COL4A5: variants seen among roughly 807,000 people sequenced by gnomAD.
COL4A5 encodes the protein collagen alpha-5(IV) chain.
Under a neutral mutation model 130.2 loss-of-function variants are expected in COL4A5, and 26 were observed. That is an observed-to-expected ratio of 0.20 (90% CI 0.15 to 0.28). The LOEUF is 0.28. COL4A5 is among the 10% of genes least tolerant of loss of function. The pLI is 1.00. For missense variants in COL4A5, 1,131 were observed against 1,344.3 expected, an observed-to-expected ratio of 0.84 and a Z score of 2.48; for synonymous variants, 496 against 439.6, an observed-to-expected ratio of 1.13 and a Z score of -1.60.
intron 1 of COL4A5, among the ~76,000 whole-genome samples, chrX:108,529,295 A>G (rs1346474736): frequency 9.0e-6 from 1 of 111,721 alleles, no homozygotes; most frequent in Non-Finnish European, 1.9e-5. Context: ...GACTAGACTG[A>G]CCCTACAAGA....
At chrX:108,491,762 CTTA>C (rs2064995420) in intron 1 of COL4A5, among the ~76,000 whole-genome samples, 2 of 111,294 alleles carry the variant, frequency 1.8e-5, no homozygotes, top group South Asian at 7.6e-4. Context: ...TAGAAGTAAC[CTTA>C]TTCTTAAATA....
At chrX:108,541,163 C>A in intron 2 of COL4A5, among the ~76,000 whole-genome samples, 1 of 111,970 alleles carries the variant, frequency 8.9e-6, no homozygotes, top group East Asian at 2.8e-4. Flanking sequence ...TAGACTTTCC[C>A]CTTAACAGAG....
rs1309912538 is a variant in COL4A5, at chrX:108,515,917, C to A, written c.82-23829C>A. Among the ~76,000 whole-genome samples, 60 of 111,225 alleles carry A rather than the reference C, an allele frequency of 5.4e-4. 4 individuals are homozygous for A. The highest frequency in any genetic ancestry group is 1.9e-5 in the Non-Finnish European group (1 of 52,948). On this transcript the variant is annotated intron_variant, in intron 1 of 52. Transcript: ENST00000328300. ...TGAAACAGCCAGAACTGTAGCATTCCTTGTTTTTGTGATCCTACTAAACTA... is the reference window on the plus strand; with the variant it reads ...TGAAACAGCCAGAACTGTAGCATTCATTGTTTTTGTGATCCTACTAAACTA...
intron 44 of COL4A5, among the ~76,000 whole-genome samples, chrX:108,677,886 C>G (rs1353999781): frequency 9.0e-6 from 1 of 111,714 alleles, no homozygotes; most frequent in Non-Finnish European, 1.9e-5. Context: ...ATTTGAGTAG[C>G]CTTCATTTCA....
At chrX:108,480,079 A>T (rs1200510904) in intron 1 of COL4A5, among the ~76,000 whole-genome samples, 3 of 111,571 alleles carry the variant, frequency 2.7e-5, no homozygotes, top group Non-Finnish European at 5.6e-5. Context: ...GGCAGCCTGG[A>T]CCTGTTGCAG....
chrX:108,670,662 C>T (rs1469890718), intron 42 of COL4A5: 4 of 328,690 alleles, frequency 1.2e-5, no homozygotes, highest in Non-Finnish European at 2.3e-5. Context: ...TAATTCTTAA[C>T]TTGCCATATC....
intron 1 of COL4A5, among the ~76,000 whole-genome samples, chrX:108,444,436 G>C (rs1247133061): frequency 9.0e-6 from 1 of 111,168 alleles, no homozygotes; most frequent in Non-Finnish European, 1.9e-5. Context: ...AGCCAGGATG[G>C]TCTCGAACTC....
At chrX:108,677,279 A>G (rs1295030363) in intron 43 of COL4A5, among the ~76,000 whole-genome samples, 1 of 112,440 alleles carries the variant, frequency 8.9e-6, no homozygotes, top group Non-Finnish European at 1.9e-5. Context: ...TTAATATATA[A>G]TAAAATGTAA....
At chrX:108,530,557 A>G (rs2065371789) in intron 1 of COL4A5, among the ~76,000 whole-genome samples, 1 of 102,586 alleles carries the variant, frequency 9.7e-6, no homozygotes, top group South Asian at 4.8e-4. Context: ...ACATGAACAG[A>G]CACTTCTCAA....
At chrX:108,472,847 A>T (rs2064787788) in intron 1 of COL4A5, among the ~76,000 whole-genome samples, 1 of 111,812 alleles carries the variant, frequency 8.9e-6, no homozygotes, top group Non-Finnish European at 1.9e-5. Context: ...GAACCGCCAT[A>T]CTGTTTTCCA....
At chrX:108,515,164 T>C (rs908175090) in intron 1 of COL4A5, among the ~76,000 whole-genome samples, 2 of 111,965 alleles carry the variant, frequency 1.8e-5, no homozygotes, top group East Asian at 5.6e-4. Context: ...TGTTAACTAA[T>C]AGATGCTCAA....
chrX:108,496,669 C>T (rs1354679168), intron 1 of COL4A5, among the ~76,000 whole-genome samples: 2 of 110,758 alleles, frequency 1.8e-5, no homozygotes, highest in Non-Finnish European at 3.8e-5. Context: ...CGTTTTTTTC[C>T]TTTTATTTCT....
intron 39 of COL4A5, 107 bp from the exon 40 acceptor site, chrX:108,667,026 A>T: frequency 3.1e-6 from 2 of 653,474 alleles, no homozygotes; most frequent in Admixed American, 2.4e-5. Flanking sequence ...TATAATATAC[A>T]TTGCTGCACC....
chrX:108,686,205 C>A, intron 48 of COL4A5, 76 bp downstream of exon 48: 1 of 776,898 alleles, frequency 1.3e-6, no homozygotes, highest in Non-Finnish European at 1.9e-6. Flanking sequence ...AGGGCCTCCA[C>A]TTAGAGCTGT....
intron 1 of COL4A5, among the ~76,000 whole-genome samples, chrX:108,509,104 A>G (rs1448901367): frequency 8.9e-6 from 1 of 112,475 alleles, no homozygotes. Flanking sequence ...AAAGAGCAAA[A>G]GAAACTATCA....
intron 2 of COL4A5, among the ~76,000 whole-genome samples, chrX:108,557,486 A>G (rs750647109): frequency 8.9e-6 from 1 of 111,939 alleles, no homozygotes; most frequent in Non-Finnish European, 1.9e-5. Flanking sequence ...GCCATCTATC[A>G]TTAATTGACT....
chrX:108,652,501 TC>T, intron 36 of COL4A5, among the ~76,000 whole-genome samples: 1 of 112,551 alleles, frequency 8.9e-6, no homozygotes, highest in East Asian at 2.8e-4. Flanking sequence ...TGTCTTTGTT[TC>T]CCCCAGTGGC....
At chrX:108,664,146 C>T (rs1230619961) in intron 37 of COL4A5, among the ~76,000 whole-genome samples, 1 of 111,536 alleles carries the variant, frequency 9.0e-6, no homozygotes, top group Non-Finnish European at 1.9e-5. Flanking sequence ...GATCGCGCCA[C>T]CGCAATCCAG....
chrX:108,629,575 G>A (rs1321729404), intron 36 of COL4A5, among the ~76,000 whole-genome samples: 2 of 111,420 alleles, frequency 1.8e-5, no homozygotes, highest in Non-Finnish European at 3.8e-5. Context: ...CAAATAGAGT[G>A]GAGTTGCTAT....
Sources: gnomAD v4.1 joint callset for allele counts (sites outside exome capture counted in the v4.1 genomes callset) on GRCh38, gnomAD v4.1.1 for gene constraint, MANE v1.5 for transcripts, NCBI Gene and HGNC (gene_info 2026-07-23, HGNC 2026-07-21) for gene names.